The following SLC25A48 variants were observed in gnomAD, a reference collection of about 807,000 sequenced individuals.
The protein encoded by SLC25A48 is solute carrier family 25 member 48, also known as CTC-321K16.1.
In SLC25A48, 29 loss-of-function variants were observed where a neutral mutation model predicts 32.2. The observed-to-expected ratio is 0.90, with a 90% CI of 0.67 to 1.23. The LOEUF (loss-of-function observed/expected upper bound fraction) is 1.23, where lower values mean the gene tolerates loss of function less well. Ranked by LOEUF, SLC25A48 falls within the 50% of genes most tolerant of loss-of-function variation. The probability of loss-of-function intolerance (pLI) is 0.00; values close to 1 mark genes in which losing one functional copy is unlikely to be tolerated. For missense variants in SLC25A48, 399 were observed against 422.7 expected, an observed-to-expected ratio of 0.94 and a Z score of 0.49; for synonymous variants, 164 against 172.3, an observed-to-expected ratio of 0.95 and a Z score of 0.38.
intron 1 of SLC25A48, among the ~76,000 whole-genome samples, chr5:135,619,821 A>G (rs573640568): frequency 6.6e-6 from 1 of 152,208 alleles, no homozygotes; most frequent in African/African-American, 2.4e-5. Flanking sequence ...AGGGGAGGCT[A>G]TGGTGAAGAT....
At chr5:135,790,853 T>C (rs188714793) in intron 3 of SLC25A48, among the ~76,000 whole-genome samples, 165 of 142,910 alleles carry the variant, frequency 1.2e-3, no homozygotes, top group Non-Finnish European at 2.0e-3. Context: ...ACTATGTGTA[T>C]ACACTGTGTG....
At chr5:135,603,283 G>C (rs1453860506) in intron 1 of SLC25A48, among the ~76,000 whole-genome samples, 1 of 152,226 alleles carries the variant, frequency 6.6e-6, no homozygotes, top group Non-Finnish European at 1.5e-5. Flanking sequence ...CCAGACACCA[G>C]CTCCCAAACC....
At chr5:135,752,927 T>C (rs2127010029) in intron 3 of SLC25A48, among the ~76,000 whole-genome samples, 1 of 152,184 alleles carries the variant, frequency 6.6e-6, no homozygotes, top group African/African-American at 2.4e-5. Context: ...CCCCCTGTGA[T>C]ATTAGGAGTA....
At chr5:135,808,769 T>C (rs1301373795) in intron 3 of SLC25A48, among the ~76,000 whole-genome samples, 8 of 152,226 alleles carry the variant, frequency 5.3e-5, no homozygotes, top group African/African-American at 1.9e-4. Flanking sequence ...ATGTTACTTA[T>C]CTTTACTTTC....
At chr5:135,884,356 A>C (rs1762646972) in intron 7 of SLC25A48, among the ~76,000 whole-genome samples, 1 of 152,182 alleles carries the variant, frequency 6.6e-6, no homozygotes, top group Non-Finnish European at 1.5e-5. Context: ...TAAAACCCTC[A>C]GCATGCCCTC....
At chr5:135,734,257 G>T (rs1349851981) in intron 3 of SLC25A48, among the ~76,000 whole-genome samples, 1 of 152,146 alleles carries the variant, frequency 6.6e-6, no homozygotes, top group Non-Finnish European at 1.5e-5. Flanking sequence ...GAGGCTTTGG[G>T]TTGGGAAGAA....
intron 1 of SLC25A48, among the ~76,000 whole-genome samples, chr5:135,618,336 A>G (rs529410756): frequency 7.2e-5 from 11 of 152,054 alleles, no homozygotes; most frequent in African/African-American, 2.7e-4. Flanking sequence ...TAGCAGGCAG[A>G]AAATAGGTGG....
chr5:135,830,745 C>G (rs1758183331), upstream of SLC25A48, among the ~76,000 whole-genome samples: 1 of 152,212 alleles, frequency 6.6e-6, no homozygotes, highest in African/African-American at 2.4e-5. Flanking sequence ...GGGGCAAACA[C>G]TCAAAGAAGA....
intron 3 of SLC25A48, among the ~76,000 whole-genome samples, chr5:135,684,473 C>G (rs1214362910): frequency 6.6e-6 from 1 of 152,118 alleles, no homozygotes; most frequent in African/African-American, 2.4e-5. Flanking sequence ...AACTGTATTG[C>G]AGTCTCGACA....
At chr5:135,620,398 C>T (rs912356968) in intron 1 of SLC25A48, among the ~76,000 whole-genome samples, 1 of 152,088 alleles carries the variant, frequency 6.6e-6, no homozygotes, top group African/African-American at 2.4e-5. Flanking sequence ...TAGTCAGGGG[C>T]AGGGTGATCC....
rs1315652306 is a variant in SLC25A48, at chr5:135,852,719, C to T, written c.319C>T (p.Leu107Phe). ...TCCTCCCCGCACGCTGTCAGACCTG[C>T]TCCTGGCCAGCATGGTGGCCGGCGT... ...ASPPRTLSDL[L>F]LASMVAGVVS... is the part of the protein sequence containing the mutation. Residue 107 changes from leucine to phenylalanine, a missense_variant, in exon 4 of 8, where the codon CTC (leucine) becomes TTC (phenylalanine). Coordinates refer to ENST00000681962, the MANE Select transcript of SLC25A48 (RefSeq NM_001349336.2). 2 of 1,614,158 alleles carry T rather than the reference C, an allele frequency of 1.2e-6. No individual in the cohort carries two copies. The highest frequency in any genetic ancestry group is 2.2e-5 in the East Asian group (1 of 44,874).
intron 3 of SLC25A48, among the ~76,000 whole-genome samples, chr5:135,699,088 G>T (rs1381825772): frequency 1.3e-5 from 2 of 152,174 alleles, no homozygotes; most frequent in Non-Finnish European, 2.9e-5. Context: ...TACAATACTG[G>T]TAAGAACATA....
At chr5:135,687,303 A>G (rs1754039404) in intron 3 of SLC25A48, among the ~76,000 whole-genome samples, 1 of 152,244 alleles carries the variant, frequency 6.6e-6, no homozygotes. Context: ...TGGAAAAGTC[A>G]GTCATAATGT....
chr5:135,632,430 C>T (rs1752597732), intron 2 of SLC25A48, among the ~76,000 whole-genome samples: 1 of 152,120 alleles, frequency 6.6e-6, no homozygotes, highest in Non-Finnish European at 1.5e-5. Context: ...AAGAGAGGCA[C>T]AGTCAAGAAA....
chr5:135,579,695 T>A (rs1380780700), intron 1 of SLC25A48: 2 of 152,268 alleles, frequency 1.3e-5, no homozygotes, highest in Admixed American at 6.5e-5. Flanking sequence ...GCCTGGTGGC[T>A]GTGTGAGTGT....
chr5:135,880,306 G>A (rs1213773166), intron 7 of SLC25A48, among the ~76,000 whole-genome samples: 1 of 152,040 alleles, frequency 6.6e-6, no homozygotes, highest in Non-Finnish European at 1.5e-5. Context: ...GGTCCCCAGG[G>A]ACCAAGTCTG....
At chr5:135,877,005 A>T (rs1002247221) in intron 6 of SLC25A48, among the ~76,000 whole-genome samples, 1 of 152,166 alleles carries the variant, frequency 6.6e-6, no homozygotes, top group Non-Finnish European at 1.5e-5. Context: ...CTTGCTATGG[A>T]GGAAGAAGTT....
chr5:135,864,829 A>G (rs1037241699), intron 4 of SLC25A48, among the ~76,000 whole-genome samples: 2 of 152,266 alleles, frequency 1.3e-5, no homozygotes, highest in Admixed American at 1.3e-4. Context: ...AATTGACAAC[A>G]GCAAGTATTG....
At chr5:135,721,892 T>C (rs1754964183) in intron 3 of SLC25A48, among the ~76,000 whole-genome samples, 1 of 152,198 alleles carries the variant, frequency 6.6e-6, no homozygotes, top group African/African-American at 2.4e-5. Flanking sequence ...AATTCTTCTT[T>C]ATTATAAGAT....
Sources: gnomAD v4.1 joint callset for allele counts (sites outside exome capture counted in the v4.1 genomes callset) on GRCh38, gnomAD v4.1.1 for gene constraint, MANE v1.5 for transcripts, NCBI Gene and HGNC (gene_info 2026-07-23, HGNC 2026-07-21) for gene names.